SPATA1: variants seen among roughly 807,000 people sequenced by gnomAD.
SPATA1 encodes the protein spermatogenesis associated 1.
SPATA1 carries 57 observed loss-of-function variants against 59.6 expected under a neutral mutation model. The observed-to-expected ratio is 0.96, with a 90% CI of 0.77 to 1.19. The LOEUF is 1.19. SPATA1 is among the 50% of genes most tolerant of loss of function. The probability of loss-of-function intolerance (pLI) is 0.00; values close to 1 mark genes in which losing one functional copy is unlikely to be tolerated. For synonymous variants in SPATA1, 147 were observed against 163.9 expected (o/e 0.90, Z 0.79); for missense variants, 448 against 480.7 (o/e 0.93, Z 0.64).
chr1:84,529,663 C>T lies in SPATA1; in HGVS notation c.545-3197C>T, dbSNP rs571236631. 4.3e-5 allele frequency among the ~76,000 whole-genome samples: 6 copies of T among 139,136 alleles called. No homozygotes were observed. In the East Asian group the frequency reaches 1.3e-3, roughly 29 times the overall value. 91.3% of individuals were successfully genotyped at this position (139,136 alleles called of 152,430 possible). Reference sequence around the variant, plus strand: ...GTGGTGCGATCTCGGCTCACTGCAACCTCCGCCTCCCGGGTTTCAGCAATT... The same window carrying T: ...GTGGTGCGATCTCGGCTCACTGCAATCTCCGCCTCCCGGGTTTCAGCAATT... On this transcript the variant is annotated intron_variant, in intron 6 of 12. Transcript: ENST00000490879.
intron 1 of SPATA1, among the ~76,000 whole-genome samples, chr1:84,511,654 GC>G (rs1392342042): frequency 3.2e-5 from 4 of 123,784 alleles, no homozygotes; most frequent in Middle Eastern, 4.1e-3. Flanking sequence ...GGCATTTCAG[GC>G]TTTTTTTTTT....
At chr1:84,558,364 A>G (rs1368088800), downstream of SPATA1, among the ~76,000 whole-genome samples, 1 of 148,684 alleles carries the variant, frequency 6.7e-6, no homozygotes, top group South Asian at 2.1e-4. Context: ...ATCTCGGCTC[A>G]CTGCAAGCTC....
At chr1:84,563,335 C>T (rs1055940606) in intron 4 of SPATA1, 6 of 1,598,504 alleles carry the variant, frequency 3.8e-6, no homozygotes, top group South Asian at 1.1e-5. Flanking sequence ...GCTTCATGAT[C>T]GTTTTGTAGG....
At chr1:84,561,428 G>T (rs571741375) in intron 4 of SPATA1, among the ~76,000 whole-genome samples, 1 of 152,348 alleles carries the variant, frequency 6.6e-6, no homozygotes, top group South Asian at 2.1e-4. Flanking sequence ...AGTTTCTTGA[G>T]AATGGAATCT....
chr1:84,514,305 T>A (rs887299962), intron 1 of SPATA1, among the ~76,000 whole-genome samples: 1 of 152,166 alleles, frequency 6.6e-6, no homozygotes, highest in Non-Finnish European at 1.5e-5. Context: ...TCAGAAATGA[T>A]AAAGGGAGTT....
chr1:84,529,860 T>G (rs1412356024), intron 6 of SPATA1, among the ~76,000 whole-genome samples: 4 of 141,824 alleles, frequency 2.8e-5, no homozygotes, highest in African/African-American at 8.2e-5. Flanking sequence ...CCTAAACTCT[T>G]TTTTTTTTTT....
intron 9 of SPATA1, among the ~76,000 whole-genome samples, chr1:84,544,980 G>A (rs1464956300): frequency 6.6e-6 from 1 of 151,364 alleles, no homozygotes; most frequent in Non-Finnish European, 1.5e-5. Flanking sequence ...GGAGGCTGAG[G>A]TGGGTGGATC....
intron 1 of SPATA1, among the ~76,000 whole-genome samples, chr1:84,514,591 G>A (rs1682715074): frequency 6.6e-6 from 1 of 152,192 alleles, no homozygotes; most frequent in African/African-American, 2.4e-5. Context: ...TACTCAACCT[G>A]TATAGTGGGG....
chr1:84,520,683 ATT>A lies in SPATA1; in HGVS notation c.137_138del (p.Phe46SerfsTer18). 1 of 1,555,926 alleles carries A rather than the reference ATT, an allele frequency of 6.4e-7. No individual in the cohort carries two copies. Among genetic ancestry groups the A allele is most frequent in the Non-Finnish European group, 8.7e-7 (1 of 1,149,372 alleles). On this transcript the variant is annotated frameshift_variant, in exon 3 of 13. Coordinates refer to ENST00000490879, the Ensembl canonical transcript of SPATA1. LOFTEE classifies it high-confidence loss of function. ...TTGTTAACAAATTCATTTCAGCTGG[ATT>A]TCTAAGGCAAGTGTTGTGTAGTCAT...
At chr1:84,521,660 T>C (rs773699951) in intron 3 of SPATA1, among the ~76,000 whole-genome samples, 44 of 152,300 alleles carry the variant, frequency 2.9e-4, no homozygotes, top group Admixed American at 9.2e-4. Context: ...TGGTACTTAG[T>C]AGTGTCTTAT....
chr1:84,533,188 C>A (rs552697584), intron 7 of SPATA1, among the ~76,000 whole-genome samples: 81 of 152,130 alleles, frequency 5.3e-4, no homozygotes, highest in African/African-American at 1.6e-3. Context: ...AAATTTATTT[C>A]TATTGTAGTA....
At chr1:84,544,046 G>A (rs887784878) in intron 8 of SPATA1, among the ~76,000 whole-genome samples, 156 bp from the exon 9 acceptor site, 7 of 152,152 alleles carry the variant, frequency 4.6e-5, no homozygotes, top group African/African-American at 1.4e-4. Context: ...ACCAGAACAT[G>A]GGAGAGAATC....
chr1:84,537,573 T>C (rs1360468243), intron 8 of SPATA1, among the ~76,000 whole-genome samples: 3 of 152,196 alleles, frequency 2.0e-5, no homozygotes, highest in East Asian at 1.9e-4. Flanking sequence ...GGAAAAACCC[T>C]GTCACTCAGC....
chr1:84,527,230 T>C (rs1055608245), intron 6 of SPATA1, among the ~76,000 whole-genome samples: 1 of 152,194 alleles, frequency 6.6e-6, no homozygotes, highest in African/African-American at 2.4e-5. Context: ...GTTTAGTATA[T>C]CTGCTTTTCC....
rs1683339745 is a variant in SPATA1, at chr1:84,528,802, G to A, written c.544+2729G>A. Among the ~76,000 whole-genome samples the A allele has an allele frequency of 2.0e-5, 3 of 152,138 alleles. No individual in the cohort carries two copies. The South Asian group carries it at 6.2e-4, about 32-fold the overall frequency. On this transcript the variant is annotated intron_variant, in intron 6 of 12. Coordinates refer to ENST00000490879, the Ensembl canonical transcript of SPATA1. ...GTGTTTTCCAAAGCGGTAGTACCCAGCAGCAATGTCTAGAAGTTCCTGTTG... is the reference window on the plus strand; with the variant it reads ...GTGTTTTCCAAAGCGGTAGTACCCAACAGCAATGTCTAGAAGTTCCTGTTG...
chr1:84,540,420 C>T (rs1478407407), intron 8 of SPATA1, among the ~76,000 whole-genome samples: 1 of 151,944 alleles, frequency 6.6e-6, no homozygotes, highest in Non-Finnish European at 1.5e-5. Context: ...TGTCCTTCTG[C>T]TTTTGATTTG....
In SPATA1 at chr1:84,545,777, C is replaced by G; in HGVS notation, c.946+18C>G. 2 of 1,440,704 alleles carry G rather than the reference C, an allele frequency of 1.4e-6. No individual in the cohort carries two copies. Among genetic ancestry groups the G allele is most frequent in the Non-Finnish European group, 1.8e-6 (2 of 1,098,320 alleles). The allele number at this position is 1,440,704 out of a possible 1,614,324, so 89.2% of individuals were successfully genotyped here. A position where few individuals can be genotyped will look rare whatever the true frequency, so the allele number is the denominator to read the frequency against. ...ATATCATGGTAAAGTTTATTACATACCTTTTATCACTATAAAGAAAACTTA... is the reference window on the plus strand; with the variant it reads ...ATATCATGGTAAAGTTTATTACATAGCTTTTATCACTATAAAGAAAACTTA... On this transcript the variant is annotated intron_variant, in intron 10 of 12. Coordinates refer to ENST00000490879, the Ensembl canonical transcript of SPATA1.
chr1:84,527,708 A>G (rs1174482382), intron 6 of SPATA1: 1 of 151,450 alleles, frequency 6.6e-6, no homozygotes, highest in East Asian at 1.9e-4. Flanking sequence ...TGTTTTTGCT[A>G]TCATGTATAG....
At chr1:84,533,854 T>C (rs113902792) in intron 8 of SPATA1, 88 bp downstream of exon 8, 6 of 778,268 alleles carry the variant, frequency 7.7e-6, no homozygotes, top group Non-Finnish European at 1.2e-5. Flanking sequence ...GATTAAAATG[T>C]CTAAGTTTTC....
Sources: allele counts gnomAD v4.1 joint callset (sites outside exome capture counted in the v4.1 genomes callset), GRCh38; gene constraint gnomAD v4.1.1; transcripts MANE v1.5; gene names NCBI Gene and HGNC (gene_info 2026-07-23, HGNC 2026-07-21).